ROBO2: variants seen among roughly 807,000 people sequenced by gnomAD.
The protein encoded by ROBO2 is roundabout guidance receptor 2, also known as roundabout homolog 2.
ROBO2 carries 53 observed loss-of-function variants against 160.8 expected under a neutral mutation model. That is an observed-to-expected ratio of 0.33 (90% confidence interval 0.26 to 0.41). ROBO2 has a LOEUF of 0.41. Ranked by LOEUF, ROBO2 falls within the 10% of genes least tolerant of loss-of-function variation. The pLI is 1.00. For synonymous variants in ROBO2, 664 were observed against 611.7 expected (o/e 1.09, Z -1.26); for missense variants, 1,577 against 1,722.4 (o/e 0.92, Z 1.49).
At chr3:76,599,518 ATGTGTCTTTATGACAGAAAGAC>A (rs2086972388) in intron 2 of ROBO2, among the ~76,000 whole-genome samples, 1 of 152,182 alleles carries the variant, frequency 6.6e-6, no homozygotes, top group Non-Finnish European at 1.5e-5. Flanking sequence ...ATAAGCGTAT[ATGTGTCTTTATGACAGAAAGAC>A]TTATATTCCT....
chr3:76,330,623 A>G (rs1033340103), intron 2 of ROBO2, among the ~76,000 whole-genome samples: 2 of 152,220 alleles, frequency 1.3e-5, no homozygotes, highest in African/African-American at 2.4e-5. Context: ...AAAATAAAAG[A>G]TCATCATTAA....
intron 2 of ROBO2, among the ~76,000 whole-genome samples, chr3:77,415,364 T>C (rs1251923888): frequency 6.6e-6 from 1 of 152,164 alleles, no homozygotes; most frequent in Non-Finnish European, 1.5e-5. Context: ...TGACGTTAAG[T>C]ATGTCTGTGT....
chr3:76,921,487 T>C (rs183793459), intron 2 of ROBO2, among the ~76,000 whole-genome samples: 199 of 152,134 alleles, frequency 1.3e-3, no homozygotes, highest in African/African-American at 4.7e-3. Context: ...TGACGCACAC[T>C]TGTAATCCCA....
At chr3:77,622,148 G>T in intron 22 of ROBO2, 79 bp from the exon 24 acceptor site, 7 of 1,241,018 alleles carry the variant, frequency 5.6e-6, no homozygotes, top group Non-Finnish European at 8.2e-6. Context: ...AGTTACTATA[G>T]CATGCATTTA....
chr3:77,538,170 C>CTT lies in ROBO2; in HGVS notation c.935-8143_935-8142dup, dbSNP rs59409802. ...GGTAATTTAGCAATTTGATCATTTA[C>CTT]TTTTTTTTTTTTTTTTTTTTTTTTT... On this transcript the variant is annotated intron_variant, in intron 6 of 25. Coordinates refer to ENST00000461745, the Ensembl canonical transcript of ROBO2. Among the ~76,000 whole-genome samples, 219 of 102,480 alleles carry CTT rather than the reference C, an allele frequency of 2.1e-3. 19 individuals carry two copies. Among genetic ancestry groups the CTT allele is most frequent in the Middle Eastern group, 5.5e-3 (1 of 182 alleles). 67.2% of individuals were successfully genotyped at this position (102,480 alleles called of 152,430 possible). A position where few individuals can be genotyped will look rare whatever the true frequency, so the allele number is the denominator to read the frequency against.
intron 2 of ROBO2, among the ~76,000 whole-genome samples, chr3:76,876,248 A>G (rs1577192268): frequency 6.6e-6 from 1 of 152,192 alleles, no homozygotes; most frequent in East Asian, 1.9e-4. Flanking sequence ...TCAAACGAAA[A>G]CATTTTGACC....
At chr3:76,305,131 T>G (rs1396586074) in intron 2 of ROBO2, among the ~76,000 whole-genome samples, 1 of 151,904 alleles carries the variant, frequency 6.6e-6, no homozygotes, top group African/African-American at 2.4e-5. Context: ...GATCATGCCT[T>G]TAATTGAAGC....
intron 2 of ROBO2, among the ~76,000 whole-genome samples, chr3:77,165,290 G>T (rs2078969785): frequency 1.3e-5 from 2 of 148,436 alleles, no homozygotes; most frequent in Admixed American, 6.8e-5. Context: ...TGAAACATGT[G>T]CTGTGTCCAC....
At chr3:76,576,713 T>C (rs1302407686) in intron 2 of ROBO2, among the ~76,000 whole-genome samples, 2 of 142,754 alleles carry the variant, frequency 1.4e-5, no homozygotes, top group Admixed American at 1.4e-4. Flanking sequence ...TTTTTTTTTT[T>C]TTTTTTTTTG....
At chr3:77,065,259 G>A (rs187029149) in intron 1 of ROBO2, among the ~76,000 whole-genome samples, 9 of 152,244 alleles carry the variant, frequency 5.9e-5, no homozygotes, top group South Asian at 2.1e-4. Flanking sequence ...TTAAAGAGAC[G>A]TTTTAAATAA....
intron 2 of ROBO2, among the ~76,000 whole-genome samples, chr3:77,325,321 G>C (rs1413889728): frequency 1.3e-5 from 2 of 152,188 alleles, no homozygotes; most frequent in Non-Finnish European, 2.9e-5. Flanking sequence ...CACCTTAGCT[G>C]TTCTGCTTCA....
At chr3:76,476,708 A>G (rs1229330127) in intron 2 of ROBO2, among the ~76,000 whole-genome samples, 6 of 152,182 alleles carry the variant, frequency 3.9e-5, no homozygotes. Flanking sequence ...AGCTGGACAG[A>G]GGGCTAACAG....
intron 2 of ROBO2, among the ~76,000 whole-genome samples, chr3:77,253,454 C>T (rs1156773947): frequency 6.6e-6 from 1 of 152,162 alleles, no homozygotes; most frequent in South Asian, 2.1e-4. Context: ...TCACTAAAAG[C>T]TCTATTCCAA....
At chr3:75,954,807 G>A (rs2107219747) in intron 2 of ROBO2, among the ~76,000 whole-genome samples, 1 of 151,860 alleles carries the variant, frequency 6.6e-6, no homozygotes. Context: ...TTAACATCTT[G>A]CAGAGGTAAT....
intron 2 of ROBO2, among the ~76,000 whole-genome samples, chr3:77,259,548 A>T (rs2058647037): frequency 6.6e-6 from 1 of 152,220 alleles, no homozygotes. Context: ...TGACAAAATG[A>T]TAGATGAGAG....
chr3:76,398,413 C>T (rs1302203997), intron 2 of ROBO2, among the ~76,000 whole-genome samples: 1 of 151,730 alleles, frequency 6.6e-6, no homozygotes, highest in Non-Finnish European at 1.5e-5. Context: ...CAGCATGGCA[C>T]ATGTATACAT....
rs146990887 is a variant in ROBO2, at chr3:76,125,886, G to T, written c.109+188284G>T. On this transcript the variant is annotated intron_variant, in intron 2 of 26. Transcript: ENST00000487694. ...TTGTTGCCCAGGCTCGAGTGCAATG[G>T]CATGATCTCAGCTCACTGCAACCTC... Among the ~76,000 whole-genome samples the T allele has an allele frequency of 9.4e-3, 1,426 of 152,120 alleles. 24 individuals carry two copies. Among genetic ancestry groups the T allele is most frequent in the African/African-American group, 0.033 (1,377 of 41,530 alleles).
At chr3:76,186,669 T>C (rs1701779218) in intron 2 of ROBO2, among the ~76,000 whole-genome samples, 1 of 152,104 alleles carries the variant, frequency 6.6e-6, no homozygotes, top group Non-Finnish European at 1.5e-5. Context: ...GTATATACCA[T>C]CTGCAATAAT....
intron 2 of ROBO2, among the ~76,000 whole-genome samples, chr3:77,102,664 C>T (rs1189528449): frequency 6.6e-6 from 1 of 151,996 alleles, no homozygotes; most frequent in Non-Finnish European, 1.5e-5. Context: ...TGATAACCAT[C>T]TGTCTTGACT....
Sources: gnomAD v4.1 joint callset for allele counts (sites outside exome capture counted in the v4.1 genomes callset) on GRCh38, gnomAD v4.1.1 for gene constraint, MANE v1.5 for transcripts, NCBI Gene and HGNC (gene_info 2026-07-23, HGNC 2026-07-21) for gene names.